QTMAN: variants seen among roughly 807,000 people sequenced by gnomAD.
The protein encoded by QTMAN is queuosine-tRNA mannosyltransferase.
the QTMAN span, among the ~76,000 whole-genome samples, chr2:144,146,342 T>C: frequency 6.6e-6 from 1 of 150,990 alleles, no homozygotes; most frequent in African/African-American, 2.4e-5. Context: ...GGACTGCTAA[T>C]GGTACCAGAT....
chr2:144,074,234 G>A, the QTMAN span, among the ~76,000 whole-genome samples: 1 of 152,114 alleles, frequency 6.6e-6, no homozygotes, highest in Non-Finnish European at 1.5e-5. Context: ...AGAAGGAGGG[G>A]TCACACCTAT....
chr2:143,972,408 T>A, the QTMAN span, among the ~76,000 whole-genome samples: 1 of 152,134 alleles, frequency 6.6e-6, no homozygotes, highest in East Asian at 1.9e-4. Context: ...TGGCTATGGA[T>A]ACCTAAGAGA....
chr2:144,006,577 C>A, the QTMAN span: 1 of 151,990 alleles, frequency 6.6e-6, no homozygotes, highest in Non-Finnish European at 1.5e-5. Context: ...TTTATAGGAG[C>A]CAGGGTTAAG....
chr2:144,248,535 A>T, the QTMAN span, among the ~76,000 whole-genome samples: 1 of 152,212 alleles, frequency 6.6e-6, no homozygotes, highest in Non-Finnish European at 1.5e-5. Context: ...AATGCAGTTT[A>T]CACATGCCAC....
At chr2:144,201,706 C>G in the QTMAN span, among the ~76,000 whole-genome samples, 1 of 152,088 alleles carries the variant, frequency 6.6e-6, no homozygotes, top group Admixed American at 6.5e-5. Context: ...TTAATAAATA[C>G]TAATGATGGA....
the QTMAN span, among the ~76,000 whole-genome samples, chr2:144,084,430 G>T: frequency 6.6e-6 from 1 of 152,154 alleles, no homozygotes; most frequent in Non-Finnish European, 1.5e-5. Flanking sequence ...AGTGGATCTG[G>T]AAAATAGACA....
the QTMAN span, among the ~76,000 whole-genome samples, chr2:144,201,596 TAA>T: frequency 6.6e-6 from 1 of 152,232 alleles, no homozygotes; most frequent in Non-Finnish European, 1.5e-5. Context: ...AAGGGTTCAC[TAA>T]GTGCTTGCTG....
the QTMAN span, among the ~76,000 whole-genome samples, chr2:143,997,843 T>C: frequency 6.6e-6 from 1 of 152,082 alleles, no homozygotes; most frequent in African/African-American, 2.4e-5. Context: ...ATTTTACCCA[T>C]GCTACCTTAA....
chr2:144,274,666 C>T, the QTMAN span, among the ~76,000 whole-genome samples: 5 of 152,200 alleles, frequency 3.3e-5, no homozygotes, highest in African/African-American at 1.2e-4. Flanking sequence ...AAGCTCTGCA[C>T]CCCACCAGAC....
the QTMAN span, among the ~76,000 whole-genome samples, chr2:143,983,068 G>A: frequency 6.6e-6 from 1 of 152,058 alleles, no homozygotes; most frequent in African/African-American, 2.4e-5. Context: ...AATAATTGAA[G>A]TAAAATAGTT....
the QTMAN span, among the ~76,000 whole-genome samples, chr2:144,185,860 A>T: frequency 6.6e-6 from 1 of 152,252 alleles, no homozygotes; most frequent in South Asian, 2.1e-4. Flanking sequence ...ATCAATGAGC[A>T]GAAATTGCTT....
chr2:144,196,245 A>G, the QTMAN span, among the ~76,000 whole-genome samples: 1 of 145,890 alleles, frequency 6.9e-6, no homozygotes, highest in African/African-American at 2.6e-5. Context: ...ACACACACAC[A>G]CGAAATATAT....
At chr2:144,203,477 A>G in the QTMAN span, among the ~76,000 whole-genome samples, 5 of 152,200 alleles carry the variant, frequency 3.3e-5, no homozygotes, top group African/African-American at 1.2e-4. Context: ...CTGGCTAGAC[A>G]GGACAGCAAG....
chr2:144,036,235 C>T, the QTMAN span, among the ~76,000 whole-genome samples: 6,769 of 152,202 alleles, frequency 0.044, 266 homozygotes, highest in East Asian at 0.18. Flanking sequence ...TTTAAGCTTG[C>T]CTCTCTTGAA....
At chr2:144,316,805 T>C in the QTMAN span, among the ~76,000 whole-genome samples, 197 of 152,332 alleles carry the variant, frequency 1.3e-3, no homozygotes, top group African/African-American at 4.3e-3. Flanking sequence ...ATTTCTTTTC[T>C]ATTCACTAAT....
At chr2:144,115,215 A>G in the QTMAN span, among the ~76,000 whole-genome samples, 4 of 151,188 alleles carry the variant, frequency 2.6e-5, no homozygotes. Context: ...TGGGTGACAG[A>G]GCGAGACCCT....
chr2:144,031,756 C>A, the QTMAN span, among the ~76,000 whole-genome samples: 47 of 151,842 alleles, frequency 3.1e-4, no homozygotes, highest in African/African-American at 1.1e-3. Context: ...ATGATTACTT[C>A]TTCTTCTTCT....
the QTMAN span, among the ~76,000 whole-genome samples, chr2:143,952,308 T>C: frequency 1.3e-5 from 2 of 151,612 alleles, no homozygotes; most frequent in Non-Finnish European, 1.5e-5. Flanking sequence ...ATTATTCTAA[T>C]GTAACACAAT....
At chr2:143,958,407 G>GA in the QTMAN span, among the ~76,000 whole-genome samples, 1 of 152,106 alleles carries the variant, frequency 6.6e-6, no homozygotes, top group Non-Finnish European at 1.5e-5. Flanking sequence ...TTCAAGATAT[G>GA]AAAACATGAA....
Sources: allele counts gnomAD v4.1 joint callset (sites outside exome capture counted in the v4.1 genomes callset), GRCh38; gene constraint gnomAD v4.1.1; transcripts MANE v1.5; gene names NCBI Gene and HGNC (gene_info 2026-07-23, HGNC 2026-07-21).